Variants in RABGAP1L observed in about 807,000 individuals in gnomAD.
The protein encoded by RABGAP1L is RAB GTPase activating protein 1 like.
RABGAP1L carries 63 observed loss-of-function variants against 137.7 expected under a neutral mutation model. That is an observed-to-expected ratio of 0.46 (90% confidence interval 0.37 to 0.56). RABGAP1L has a LOEUF of 0.56. Among genes scored for constraint, RABGAP1L ranks in the 20% least tolerant of loss-of-function variants. The pLI is 0.00. For missense variants in RABGAP1L, 1,095 were observed against 1,244.0 expected (o/e 0.88, Z 1.80); for synonymous variants, 431 against 433.7 (o/e 0.99, Z 0.08).
intron 19 of RABGAP1L, among the ~76,000 whole-genome samples, chr1:174,854,715 CTTTTTTTTTTTTTTTTTTTTTTTTTTTTT>C (rs71117584): frequency 0.18 from 9,958 of 56,828 alleles, 531 homozygotes; most frequent in Middle Eastern, 0.33. Flanking sequence ...AATATAAATG[CTTTTTTTTTTTTTTTTTTTTTTTTTTTTT>C]TTTTTTTTTT....
chr1:174,636,852 G>A (rs1295446156), intron 13 of RABGAP1L, among the ~76,000 whole-genome samples: 1 of 152,042 alleles, frequency 6.6e-6, no homozygotes, highest in African/African-American at 2.4e-5. Flanking sequence ...CCTTGAACAC[G>A]TGCATAAGCC....
chr1:174,625,968 T>TA (rs932292330), intron 13 of RABGAP1L, among the ~76,000 whole-genome samples: 13 of 152,192 alleles, frequency 8.5e-5, no homozygotes, highest in African/African-American at 2.9e-4. Context: ...GCTGTTTTGA[T>TA]AAAAATCACA....
chr1:174,317,658 T>G (rs1455556595), intron 11 of RABGAP1L, among the ~76,000 whole-genome samples: 1 of 152,166 alleles, frequency 6.6e-6, no homozygotes, highest in Non-Finnish European at 1.5e-5. Flanking sequence ...GATGTCTCAG[T>G]ATGTCATGTT....
intron 18 of RABGAP1L, among the ~76,000 whole-genome samples, chr1:174,781,663 T>C (rs569565526): frequency 1.6e-3 from 247 of 152,356 alleles, no homozygotes; most frequent in Non-Finnish European, 2.9e-3. Context: ...CTGAATGGTA[T>C]TGGCTAGGTT....
At chr1:174,865,632 T>G (rs1651073578) in intron 19 of RABGAP1L, among the ~76,000 whole-genome samples, 1 of 152,130 alleles carries the variant, frequency 6.6e-6, no homozygotes, top group Non-Finnish European at 1.5e-5. Context: ...TATCATAAAA[T>G]AAAGTGTATT....
At chr1:174,869,506 C>A (rs1651843009) in intron 19 of RABGAP1L, among the ~76,000 whole-genome samples, 1 of 152,176 alleles carries the variant, frequency 6.6e-6, no homozygotes, top group Non-Finnish European at 1.5e-5. Context: ...CAAGGCCTCT[C>A]CAGCCATGTA....
At chr1:174,637,604 T>G in intron 14 of RABGAP1L, 116 bp downstream of exon 14, 1 of 740,078 alleles carries the variant, frequency 1.4e-6, no homozygotes, top group Non-Finnish European at 2.3e-6. Context: ...CCATGTTTTC[T>G]GCTTTGCACA....
chr1:174,685,163 A>G (rs1461685804), intron 15 of RABGAP1L, among the ~76,000 whole-genome samples: 3 of 152,132 alleles, frequency 2.0e-5, no homozygotes, highest in African/African-American at 7.2e-5. Flanking sequence ...GACTGGATGA[A>G]TGTTGTATTT....
At chr1:174,889,439 G>A (rs1655744596) in intron 19 of RABGAP1L, among the ~76,000 whole-genome samples, 1 of 152,026 alleles carries the variant, frequency 6.6e-6, no homozygotes, top group African/African-American at 2.4e-5. Context: ...ATTTTTATTT[G>A]AGACAGGTTC....
At chr1:174,346,276 C>T (rs967208277) in intron 11 of RABGAP1L, among the ~76,000 whole-genome samples, 1 of 152,046 alleles carries the variant, frequency 6.6e-6, no homozygotes, top group Non-Finnish European at 1.5e-5. Context: ...TGGAAGTATT[C>T]CTTTCTCCTC....
intron 19 of RABGAP1L, among the ~76,000 whole-genome samples, chr1:174,873,105 G>A (rs1009857379): frequency 1.3e-5 from 2 of 152,096 alleles, no homozygotes; most frequent in African/African-American, 2.4e-5. Flanking sequence ...GTTTTGCTCT[G>A]TCGCCCAGGC....
intron 17 of RABGAP1L, among the ~76,000 whole-genome samples, chr1:174,724,877 G>A (rs2148602899): frequency 6.6e-6 from 1 of 152,312 alleles, no homozygotes; most frequent in African/African-American, 2.4e-5. Flanking sequence ...TTAAAGCTGA[G>A]ATCTAAGAGA....
At chr1:174,714,436 A>G (rs1180946822) in intron 17 of RABGAP1L, among the ~76,000 whole-genome samples, 1 of 152,212 alleles carries the variant, frequency 6.6e-6, no homozygotes, top group Non-Finnish European at 1.5e-5. Context: ...CTGAATACCT[A>G]GTATCTAACT....
rs1011227130 is a variant in RABGAP1L, at chr1:174,702,318, A to T, written c.2169+62A>T. Reference sequence around the variant, plus strand: ...AAAGTAGTTTCTACTAAAAATGGTTACAGTTTTCTTCCTTTTGTTTTTGCC... The same window carrying T: ...AAAGTAGTTTCTACTAAAAATGGTTTCAGTTTTCTTCCTTTTGTTTTTGCC... On this transcript the variant is annotated intron_variant, in intron 17 of 25. Coordinates refer to ENST00000681986, the MANE Select transcript of RABGAP1L (RefSeq NM_001366446.1). 5 of 1,413,042 alleles carry T rather than the reference A, an allele frequency of 3.5e-6. No individual in the cohort carries two copies. The African/African-American group carries it at 7.3e-5, about 21-fold the overall frequency. 87.5% of individuals were successfully genotyped at this position (1,413,042 alleles called of 1,614,324 possible). A position where few individuals can be genotyped will look rare whatever the true frequency, so the allele number is the denominator to read the frequency against.
At chr1:174,954,314 C>T (rs562098854) in intron 19 of RABGAP1L, 7 of 152,282 alleles carry the variant, frequency 4.6e-5, no homozygotes, top group African/African-American at 1.4e-4. Context: ...ACATATTGTT[C>T]TGGGAACCTG....
intron 13 of RABGAP1L, among the ~76,000 whole-genome samples, chr1:174,597,383 G>A (rs1670035923): frequency 6.6e-6 from 1 of 152,130 alleles, no homozygotes. Flanking sequence ...TTACATCTCA[G>A]TCTCATTACT....
chr1:174,624,604 A>G (rs986617978), intron 13 of RABGAP1L, among the ~76,000 whole-genome samples: 2 of 152,194 alleles, frequency 1.3e-5, no homozygotes, highest in African/African-American at 2.4e-5. Flanking sequence ...AATTATACTT[A>G]TAAATTTCTG....
chr1:174,177,238 T>C (rs1254505662), intron 1 of RABGAP1L, among the ~76,000 whole-genome samples: 1 of 152,242 alleles, frequency 6.6e-6, no homozygotes, highest in Non-Finnish European at 1.5e-5. Context: ...CCAGTGATGA[T>C]GAGCTTTTTT....
At chr1:174,786,245 G>C (rs1209920211) in intron 18 of RABGAP1L, among the ~76,000 whole-genome samples, 13 of 152,114 alleles carry the variant, frequency 8.5e-5, no homozygotes, top group Non-Finnish European at 2.9e-5. Flanking sequence ...TTTTCTAAAG[G>C]GGATATTTTT....
Sources: allele counts gnomAD v4.1 joint callset (sites outside exome capture counted in the v4.1 genomes callset), GRCh38; gene constraint gnomAD v4.1.1; transcripts MANE v1.5; gene names NCBI Gene and HGNC (gene_info 2026-07-23, HGNC 2026-07-21).